The following IL1RL2 variants were observed in gnomAD, a reference collection of about 807,000 sequenced individuals.
The protein encoded by IL1RL2 is interleukin 1 receptor like 2, also known as interleukin-1 receptor-like 2.
Under a neutral mutation model 66.8 loss-of-function variants are expected in IL1RL2, and 68 were observed. That is an observed-to-expected ratio of 1.02 (90% CI 0.84 to 1.25). The LOEUF (loss-of-function observed/expected upper bound fraction) is 1.25. IL1RL2 is among the 50% of genes most tolerant of loss of function. The pLI is 0.00. For missense variants in IL1RL2, 729 were observed against 709.3 expected (o/e 1.03, Z -0.32); for synonymous variants, 305 against 264.6 (o/e 1.15, Z -1.48).
chr2:102,219,553 T>C (rs1278190471), intron 7 of IL1RL2, among the ~76,000 whole-genome samples: 1 of 152,118 alleles, frequency 6.6e-6, no homozygotes, highest in Non-Finnish European at 1.5e-5. Flanking sequence ...ATAAAACTAA[T>C]GAAGTCAGAG....
At chr2:102,191,056 C>T (rs185364100) in intron 3 of IL1RL2, among the ~76,000 whole-genome samples, 115 of 152,168 alleles carry the variant, frequency 7.6e-4, no homozygotes, top group Admixed American at 2.6e-3. Flanking sequence ...CTAGATTCCT[C>T]GTTTTTAAGA....
Position 102,189,222 on chromosome 2 carries a change from A to G in IL1RL2, c.205A>G (p.Ile69Val). The G allele has an allele frequency of 2.5e-6, 4 of 1,614,150 alleles. No individual in the cohort carries two copies. The highest frequency in any genetic ancestry group is 3.4e-6 in the Non-Finnish European group (4 of 1,180,000). The part of the protein sequence containing the change: ...NSSKIPVSKI[I>V]QSRIHQDETW... ...TAGCAAAATCCCAGTGTCCAAAATC[A>G]TACAGTCTAGAATTCACCAGGACGA... The change falls in exon 3 of 12, where the codon ATA becomes GTA. Residue 69 changes from isoleucine (I) to valine (V), a missense_variant. By Grantham distance (29) the Ile-to-Val change is conservative. Transcript: ENST00000264257.
At chr2:102,236,665 C>T (rs185916411) in intron 11 of IL1RL2, among the ~76,000 whole-genome samples, 38 of 152,188 alleles carry the variant, frequency 2.5e-4, no homozygotes, top group Non-Finnish European at 4.9e-4. Flanking sequence ...GCCATCACCA[C>T]CATCCATTCC....
intron 6 of IL1RL2, 64 bp downstream of exon 6, chr2:102,212,238 T>C (rs1689234801): frequency 1.7e-6 from 2 of 1,172,272 alleles, no homozygotes; most frequent in South Asian, 2.5e-5. Flanking sequence ...TTGCATATTC[T>C]GGTGAATATT....
intron 11 of IL1RL2, among the ~76,000 whole-genome samples, chr2:102,236,643 C>A (rs1674912343): frequency 6.6e-6 from 1 of 152,170 alleles, no homozygotes; most frequent in African/African-American, 2.4e-5. Flanking sequence ...AGTACATTCA[C>A]ACTGTTGTGC....
chr2:102,187,155 A>C, intron 1 of IL1RL2, 69 bp downstream of exon 1: 2 of 1,270,948 alleles, frequency 1.6e-6, no homozygotes, highest in Non-Finnish European at 2.1e-6. Flanking sequence ...AGAGGTGTGC[A>C]GGAAAAGACG....
At position 102,235,125 on chromosome 2, in the gene IL1RL2, G is replaced by A. The variant is rs1189874128; in HGVS notation, c.1526G>A (p.Gly509Asp). ...ATTCAGTACATCAAACAGAAGCATG[G>A]TGCCATCCGGTGGCATGGGGACTTC... Reference protein sequence around the residue: ...ESIQYIKQKHGAIRWHGDFTE... With the variant: ...ESIQYIKQKHDAIRWHGDFTE... The change falls in exon 11 of 12, where the codon GGT (glycine) becomes GAT (aspartate). Residue 509 changes from glycine (G) to aspartate (D), a missense_variant. Physicochemically the swap from Gly to Asp is moderately conservative, Grantham distance 94. Coordinates refer to ENST00000264257, the MANE Select transcript of IL1RL2 (RefSeq NM_003854.4). 2 of 1,614,236 alleles carry A rather than the reference G, an allele frequency of 1.2e-6. No individual in the cohort carries two copies. Among genetic ancestry groups the A allele is most frequent in the East Asian group, 2.2e-5 (1 of 44,884 alleles).
At chr2:102,238,540 G>A (rs1473180002) in intron 11 of IL1RL2, among the ~76,000 whole-genome samples, 13 of 152,230 alleles carry the variant, frequency 8.5e-5, no homozygotes, top group Non-Finnish European at 1.6e-4. Context: ...TTCCTGCCAC[G>A]TCATGGTTGG....
At chr2:102,236,283 C>A (rs1674874463) in intron 11 of IL1RL2, among the ~76,000 whole-genome samples, 1 of 152,058 alleles carries the variant, frequency 6.6e-6, no homozygotes, top group Non-Finnish European at 1.5e-5. Flanking sequence ...GGGAGTCAGC[C>A]CTGAGAGCCA....
chr2:102,201,582 G>T lies in IL1RL2; in HGVS notation c.516G>T (p.Arg172=), dbSNP rs531626294. ...ACTGTAACGAGATTAAAGGGGAGCG[G>T]TTCACTGTTTTGGAAACCAGGCTTT... is the stretch of plus-strand genomic sequence containing the variant. ...YKDCNEIKGE[R]FTVLETRLLV... is the part of the protein sequence containing the mutation. Residue 172 remains arginine (R), a synonymous_variant, in exon 5 of 12, where the codon CGG becomes CGT. Transcript: ENST00000264257. The T allele has an allele frequency of 6.2e-7, 1 of 1,614,038 alleles. No individual in the cohort carries two copies. Among genetic ancestry groups the T allele is most frequent in the African/African-American group, 1.3e-5 (1 of 75,028 alleles).
At chr2:102,217,859 C>T (rs998916858) in intron 6 of IL1RL2, among the ~76,000 whole-genome samples, 1 of 152,094 alleles carries the variant, frequency 6.6e-6, no homozygotes, top group East Asian at 1.9e-4. Flanking sequence ...TTGCTCATGA[C>T]ATTGGACTGG....
chr2:102,232,913 G>A lies in IL1RL2; in HGVS notation c.1136-50G>A, dbSNP rs138300521. On this transcript the variant is annotated intron_variant, in intron 9 of 11. Coordinates refer to ENST00000264257, the MANE Select transcript of IL1RL2 (RefSeq NM_003854.4). Reference sequence around the variant, plus strand: ...GCTCAGGCTTCCGGTTTATTAACATGAGAGAATTTGGTAGCAACAATTCCA... The same window carrying A: ...GCTCAGGCTTCCGGTTTATTAACATAAGAGAATTTGGTAGCAACAATTCCA... 5.8e-5 allele frequency: 92 copies of A among 1,578,076 alleles called. No homozygotes were observed. The African/African-American group carries it at 1.2e-3, about 20-fold the overall frequency.
Position 102,187,033 on chromosome 2 carries a change from C to T in IL1RL2, c.-66C>T, listed in dbSNP as rs1485720572. ...AAGTGGCATGACAGGGCTCGTGTCC[C>T]TGTCATATTTTCCACTCTCCACGAG... On this transcript the variant is annotated 5_prime_UTR_variant, in exon 1 of 12. Transcript: ENST00000264257. 1.6e-6 allele frequency: 2 copies of T among 1,289,740 alleles called. No individual in the cohort carries two copies. The highest frequency in any genetic ancestry group is 2.0e-6 in the Non-Finnish European group (2 of 988,852). 79.9% of individuals were successfully genotyped at this position (1,289,740 alleles called of 1,614,324 possible). A position where few individuals can be genotyped will look rare whatever the true frequency, so the allele number is the denominator to read the frequency against.
chr2:102,239,088 T>C (rs1675113399), intron 11 of IL1RL2, 104 bp from the exon 12 acceptor site: 1 of 960,166 alleles, frequency 1.0e-6, no homozygotes, highest in Non-Finnish European at 1.7e-6. Flanking sequence ...CCAGATGAAC[T>C]GACGGCAAGG....
Position 102,219,095 on chromosome 2 carries a change from CT to C in IL1RL2, c.854+19del, listed in dbSNP as rs1156898676. On this transcript the variant is annotated intron_variant, in intron 7 of 11. Coordinates refer to ENST00000264257, the MANE Select transcript of IL1RL2 (RefSeq NM_003854.4). ...GAGAAGGGGTGGAGTAGGTGTTTTG[CT>C]TTTTTGACTTCTCTAAACGCTAGCA... The C allele has an allele frequency of 2.7e-5, 44 of 1,613,332 alleles. No individual in the cohort carries two copies. The highest frequency in any genetic ancestry group is 3.6e-5 in the Non-Finnish European group (42 of 1,179,540).
intron 3 of IL1RL2, among the ~76,000 whole-genome samples, chr2:102,190,883 C>T (rs1392601088): frequency 1.3e-5 from 2 of 152,144 alleles, no homozygotes; most frequent in Non-Finnish European, 2.9e-5. Flanking sequence ...ATATTATCTG[C>T]CATGAAAGAA....
chr2:102,203,342 C>T (rs928433586), intron 5 of IL1RL2, among the ~76,000 whole-genome samples: 12 of 150,328 alleles, frequency 8.0e-5, no homozygotes, highest in Non-Finnish European at 1.8e-4. Flanking sequence ...AGTTTTCTCT[C>T]TCTTTTTTTT....
chr2:102,195,559 CTCTTTCTTTCTTTCTTTCTTTCTT>C (rs1205396126), intron 4 of IL1RL2, among the ~76,000 whole-genome samples: 1 of 43,684 alleles, frequency 2.3e-5, no homozygotes, highest in Non-Finnish European at 5.4e-5. Flanking sequence ...TTCTTTCTTT[CTCTTTCTTTCTTTCTTTCTTTCTT>C]TCTTTCTTTC....
At chr2:102,233,149 A>G in intron 10 of IL1RL2, 25 bp downstream of exon 10, 1 of 1,592,026 alleles carries the variant, frequency 6.3e-7, no homozygotes, top group Non-Finnish European at 8.6e-7. Flanking sequence ...AGGTGTAAAA[A>G]TAACAAATAA....
Sources: gnomAD v4.1 joint callset for allele counts (sites outside exome capture counted in the v4.1 genomes callset) on GRCh38, gnomAD v4.1.1 for gene constraint, MANE v1.5 for transcripts, NCBI Gene and HGNC (gene_info 2026-07-23, HGNC 2026-07-21) for gene names.